The following LINGO2 variants were observed in gnomAD, a reference collection of about 807,000 sequenced individuals.
LINGO2 encodes the protein leucine rich repeat and Ig domain containing 2, also known as leucine-rich repeat and immunoglobulin-like domain-containing nogo receptor-interacting protein 2.
In LINGO2, 14 loss-of-function variants were observed where a neutral mutation model predicts 30.6. The ratio of observed to expected loss-of-function variants is 0.46; its 90% CI spans 0.30 to 0.72. The LOEUF is 0.72. LINGO2 is among the 30% of genes least tolerant of loss of function. The pLI, the probability that LINGO2 is intolerant of heterozygous loss-of-function variation, is 0.07. For synonymous variants in LINGO2, 317 were observed against 288.5 expected, an observed-to-expected ratio of 1.10 and a Z score of -1.00; for missense variants, 729 against 751.7, an observed-to-expected ratio of 0.97 and a Z score of 0.35.
chr9:27,970,292 G>A (rs1217394943), intron 5 of LINGO2, among the ~76,000 whole-genome samples: 1 of 152,184 alleles, frequency 6.6e-6, no homozygotes, highest in Non-Finnish European at 1.5e-5. Context: ...CCTCTTGACA[G>A]TCATTGGCTG....
At chr9:28,230,714 C>T (rs1181455534) in intron 4 of LINGO2, among the ~76,000 whole-genome samples, 2 of 151,828 alleles carry the variant, frequency 1.3e-5, no homozygotes, top group African/African-American at 2.4e-5. Context: ...AAATAATTTA[C>T]ATTTAGAGAA....
intron 2 of LINGO2, among the ~76,000 whole-genome samples, chr9:28,457,389 T>C (rs185770799): frequency 4.3e-4 from 65 of 152,214 alleles, no homozygotes; most frequent in Non-Finnish European, 1.9e-4. Context: ...CAATCCTCAA[T>C]AATGTCACCA....
chr9:28,496,336 G>T (rs1192883887), intron 1 of LINGO2, among the ~76,000 whole-genome samples: 3 of 152,078 alleles, frequency 2.0e-5, no homozygotes, highest in Non-Finnish European at 2.9e-5. Flanking sequence ...TTATGAATCT[G>T]GGTGCTCCCG....
At chr9:28,387,227 G>A (rs1429379885) in intron 2 of LINGO2, among the ~76,000 whole-genome samples, 9 of 151,812 alleles carry the variant, frequency 5.9e-5, no homozygotes, top group Admixed American at 5.9e-4. Flanking sequence ...CTAAAGGTTT[G>A]TAAACCCACC....
chr9:29,097,522 G>T, the LINGO2 span, among the ~76,000 whole-genome samples: 9 of 137,520 alleles, frequency 6.5e-5, no homozygotes, highest in South Asian at 2.1e-3. Context: ...AATGCTATAG[G>T]TATTACCTAT....
chr9:28,732,450 C>T, the LINGO2 span, among the ~76,000 whole-genome samples: 1 of 151,770 alleles, frequency 6.6e-6, no homozygotes, highest in Non-Finnish European at 1.5e-5. Context: ...TGGGAGCACT[C>T]AAAAGACAAC....
the LINGO2 span, among the ~76,000 whole-genome samples, chr9:28,923,505 C>A: frequency 6.6e-6 from 1 of 152,112 alleles, no homozygotes; most frequent in South Asian, 2.1e-4. Context: ...AACTGATCCA[C>A]CAAAAATCTT....
chr9:28,148,996 C>G lies in LINGO2; in HGVS notation c.-86-136591G>C. The G allele has an allele frequency of 6.5e-7, 1 of 1,534,250 alleles. No homozygotes were observed. Among genetic ancestry groups the G allele is most frequent in the Non-Finnish European group, 8.7e-7 (1 of 1,146,796 alleles). Reference sequence around the variant, plus strand: ...GGCCACCGCTGCAGCTGCAACCGACCCCTCCCCTGCAACTGAGGTGGGATA... The same window carrying G: ...GGCCACCGCTGCAGCTGCAACCGACGCCTCCCCTGCAACTGAGGTGGGATA... On this transcript the variant is annotated intron_variant, in intron 4 of 5. Coordinates refer to ENST00000379992, the Ensembl canonical transcript of LINGO2. The surrounding 1 kb of genome is among the most constrained non-coding windows in gnomAD (Gnocchi z 5.1).
chr9:29,165,436 G>C, the LINGO2 span, among the ~76,000 whole-genome samples: 1 of 151,934 alleles, frequency 6.6e-6, no homozygotes, highest in South Asian at 2.1e-4. Flanking sequence ...GGATAACCCA[G>C]AATTGGCTAT....
the LINGO2 span, among the ~76,000 whole-genome samples, chr9:28,800,888 G>A: frequency 2.4e-4 from 36 of 152,170 alleles, no homozygotes; most frequent in Admixed American, 1.3e-3. Flanking sequence ...GTTCTAGTGC[G>A]TGAAGTGTGT....
chr9:28,459,144 A>C (rs151071201), intron 2 of LINGO2, among the ~76,000 whole-genome samples: 1 of 152,160 alleles, frequency 6.6e-6, no homozygotes, highest in Non-Finnish European at 1.5e-5. Context: ...AATGATGCTT[A>C]AATTATGAAA....
chr9:28,552,452 T>A (rs1269148847), intron 1 of LINGO2, among the ~76,000 whole-genome samples: 2 of 152,042 alleles, frequency 1.3e-5, no homozygotes, highest in African/African-American at 4.8e-5. Context: ...GTCTTATTGT[T>A]TACTAGCTTA....
the LINGO2 span, among the ~76,000 whole-genome samples, chr9:29,140,529 C>T: frequency 6.6e-6 from 1 of 151,414 alleles, no homozygotes; most frequent in Non-Finnish European, 1.5e-5. Context: ...TCATAAGGAA[C>T]ATATGAAAAA....
chr9:29,110,508 A>AT, the LINGO2 span, among the ~76,000 whole-genome samples: 3 of 148,752 alleles, frequency 2.0e-5, no homozygotes, highest in Non-Finnish European at 4.5e-5. Flanking sequence ...AATTTTTTGT[A>AT]TTTTTAATAG....
intron 4 of LINGO2, among the ~76,000 whole-genome samples, chr9:28,038,501 G>A (rs1222688304): frequency 1.3e-5 from 2 of 152,162 alleles, no homozygotes; most frequent in African/African-American, 4.8e-5. Context: ...AGACCATCCC[G>A]GCTAAAACGG....
At chr9:29,212,099 C>T in the LINGO2 span, among the ~76,000 whole-genome samples, 1 of 152,322 alleles carries the variant, frequency 6.6e-6, no homozygotes, top group Admixed American at 6.5e-5. Context: ...CCTCCCGGGG[C>T]TGCCCTCAGG....
chr9:28,706,025 G>A, the LINGO2 span, among the ~76,000 whole-genome samples: 1 of 151,954 alleles, frequency 6.6e-6, no homozygotes, highest in Non-Finnish European at 1.5e-5. Context: ...TTACACTCCA[G>A]CTTTTCAGAC....
chr9:29,093,057 GGAGA>G, the LINGO2 span, among the ~76,000 whole-genome samples: 20 of 99,360 alleles, frequency 2.0e-4, 4 homozygotes, highest in Non-Finnish European at 2.8e-4. Flanking sequence ...ATATATATAT[GGAGA>G]GAGAGAGAGA....
rs543427329 is a variant in LINGO2, at chr9:28,120,307, C to T, written c.-86-107902G>A. Reference sequence around the variant, plus strand: ...TAACGCCTGTCACAATAGATGGGGACGGTCTTTCTTTTATTCTTTTATTCT... The same window carrying T: ...TAACGCCTGTCACAATAGATGGGGATGGTCTTTCTTTTATTCTTTTATTCT... On this transcript the variant is annotated intron_variant, in intron 4 of 5. Coordinates refer to ENST00000379992, the Ensembl canonical transcript of LINGO2. Among the ~76,000 whole-genome samples the T allele has an allele frequency of 3.3e-4, 51 of 152,256 alleles. No individual in the cohort carries two copies. In the East Asian group the frequency reaches 5.4e-3, roughly 16 times the overall value.
Sources: gnomAD v4.1 joint callset for allele counts (sites outside exome capture counted in the v4.1 genomes callset) on GRCh38, gnomAD v4.1.1 for gene constraint, Gnocchi (gnomAD v3.1) non-coding constraint, MANE v1.5 for transcripts, NCBI Gene and HGNC (gene_info 2026-07-23, HGNC 2026-07-21) for gene names.